The following RBFOX1 variants were observed in gnomAD, a reference collection of about 807,000 sequenced individuals.
RBFOX1 encodes RNA binding fox-1 homolog 1, also known as RNA binding protein fox-1 homolog 1.
A neutral mutation model predicts 57.7 loss-of-function variants in RBFOX1; 8 were observed. The ratio of observed to expected loss-of-function variants is 0.14; its 90% CI spans 0.08 to 0.25. The LOEUF is 0.25. RBFOX1 is among the 10% of genes least tolerant of loss of function. RBFOX1 has a pLI of 1.00. For synonymous variants in RBFOX1, 326 were observed against 222.4 expected, an observed-to-expected ratio of 1.47 and a Z score of -4.15; for missense variants, 611 against 548.5, an observed-to-expected ratio of 1.11 and a Z score of -1.14.
chr16:7,518,017 A>T, intron 4 of RBFOX1, 130 bp from the exon 5 acceptor site: 1 of 1,144,470 alleles, frequency 8.7e-7, no homozygotes, highest in Non-Finnish European at 1.2e-6. Context: ...GGTCCATCTC[A>T]GGCTGGTGGC....
intron 3 of RBFOX1, among the ~76,000 whole-genome samples, chr16:6,683,104 G>A (rs943398146): frequency 6.6e-6 from 1 of 152,048 alleles, no homozygotes; most frequent in Non-Finnish European, 1.5e-5. Flanking sequence ...TTTAACCACA[G>A]GGTTATTTAT....
chr16:5,358,001 A>C (rs1291082982), intron 1 of RBFOX1, among the ~76,000 whole-genome samples: 1 of 152,184 alleles, frequency 6.6e-6, no homozygotes, highest in Non-Finnish European at 1.5e-5. Context: ...AGTACCTCAG[A>C]CTGGGTGGCT....
chr16:6,334,714 C>A (rs1392233193), intron 2 of RBFOX1, among the ~76,000 whole-genome samples: 1 of 152,078 alleles, frequency 6.6e-6, no homozygotes. Context: ...CGCAGAGGAT[C>A]CCTGTAGTTC....
intron 1 of RBFOX1, among the ~76,000 whole-genome samples, chr16:6,065,982 T>C (rs141149386): frequency 2.1e-4 from 32 of 152,274 alleles, no homozygotes; most frequent in African/African-American, 6.7e-4. Flanking sequence ...TCTTGAGATA[T>C]ATTTCCGACT....
chr16:6,994,731 C>T (rs971768357), intron 3 of RBFOX1, among the ~76,000 whole-genome samples: 1 of 152,182 alleles, frequency 6.6e-6, no homozygotes, highest in Admixed American at 6.6e-5. Context: ...TCATATTCCA[C>T]AGCTTTTTCT....
chr16:6,068,377 G>A (rs1231785665), intron 1 of RBFOX1, among the ~76,000 whole-genome samples: 1 of 152,184 alleles, frequency 6.6e-6, no homozygotes, highest in African/African-American at 2.4e-5. Context: ...AGCTGAGAGA[G>A]CCAGTGCCTT....
At chr16:7,340,562 G>A (rs1392940986) in intron 4 of RBFOX1, among the ~76,000 whole-genome samples, 1 of 152,196 alleles carries the variant, frequency 6.6e-6, no homozygotes, top group African/African-American at 2.4e-5. Context: ...AGTCAAGACA[G>A]TCCAACCAGG....
At chr16:6,581,498 C>A (rs570151332) in intron 2 of RBFOX1, among the ~76,000 whole-genome samples, 3 of 152,160 alleles carry the variant, frequency 2.0e-5, no homozygotes, top group East Asian at 1.9e-4. Flanking sequence ...AGACCTCTAC[C>A]CTGGGCTCTG....
intron 4 of RBFOX1, among the ~76,000 whole-genome samples, chr16:5,885,652 G>C (rs186715474): frequency 6.6e-6 from 1 of 152,098 alleles, no homozygotes; most frequent in Non-Finnish European, 1.5e-5. Flanking sequence ...CAGAATTTCC[G>C]CTATGCTAAT....
At chr16:6,266,699 G>C (rs2192632) in intron 1 of RBFOX1, among the ~76,000 whole-genome samples, 107,769 of 150,482 alleles carry the variant, frequency 0.72, 42,632 homozygotes, top group Non-Finnish European at 0.87. Context: ...GGGTGACAGT[G>C]CAAGACTCTG....
chr16:7,046,009 A>G (rs928485704), intron 3 of RBFOX1, among the ~76,000 whole-genome samples: 3 of 152,164 alleles, frequency 2.0e-5, no homozygotes, highest in East Asian at 1.9e-4. Flanking sequence ...CTATTACTAT[A>G]CATTTTTAAA....
At chr16:7,612,734 T>C (rs1161647195) in intron 10 of RBFOX1, among the ~76,000 whole-genome samples, 1 of 152,112 alleles carries the variant, frequency 6.6e-6, no homozygotes, top group Non-Finnish European at 1.5e-5. Context: ...TCAAAATAAA[T>C]AACAGAAGGT....
At chr16:6,966,941 GCCTA>G (rs2084378990) in intron 3 of RBFOX1, among the ~76,000 whole-genome samples, 1 of 146,522 alleles carries the variant, frequency 6.8e-6, no homozygotes, top group African/African-American at 2.6e-5. Flanking sequence ...CCATCCATTG[GCCTA>G]CCTATTATCT....
chr16:7,086,469 T>C (rs1423256489), intron 4 of RBFOX1, among the ~76,000 whole-genome samples: 1 of 152,168 alleles, frequency 6.6e-6, no homozygotes, highest in Admixed American at 6.5e-5. Context: ...TTCCCCATCC[T>C]CTCATTCATG....
In RBFOX1 at chr16:6,232,407, G is replaced by A. The variant is rs371565407; in HGVS notation, c.-126-84588G>A. 7.9e-5 allele frequency among the ~76,000 whole-genome samples: 12 copies of A among 152,302 alleles called. 1 individual carries two copies. Among genetic ancestry groups the A allele is most frequent in the African/African-American group, 1.7e-4 (7 of 41,568 alleles). On this transcript the variant is annotated intron_variant, in intron 1 of 15. Coordinates refer to ENST00000550418, the MANE Select transcript of RBFOX1 (RefSeq NM_018723.4). ...ATGTGTTCTTTTGAATAATGGGACC[G>A]AATGAGAGTAGAATGTTTCAGCATT... is the stretch of plus-strand genomic sequence containing the variant.
chr16:6,677,179 C>T lies in RBFOX1; in HGVS notation c.-16+22529C>T, dbSNP rs78171949. ...ATTCCAAAATATTCAATGAAAGTAC[C>T]AAGTTCACATAATGAGTAAGTGGCA... On this transcript the variant is annotated intron_variant, in intron 3 of 15. Coordinates refer to ENST00000550418, the MANE Select transcript of RBFOX1 (RefSeq NM_018723.4). 9.2e-5 allele frequency among the ~76,000 whole-genome samples: 14 copies of T among 151,968 alleles called. No individual in the cohort carries two copies. In the East Asian group the frequency reaches 2.5e-3, roughly 27 times the overall value.
chr16:6,709,617 T>C (rs1473265728), intron 3 of RBFOX1, among the ~76,000 whole-genome samples: 1 of 152,200 alleles, frequency 6.6e-6, no homozygotes, highest in Non-Finnish European at 1.5e-5. Context: ...TCCCATAAGA[T>C]TGCTCCTGAT....
At chr16:7,685,313 A>G (rs971935701) in intron 14 of RBFOX1, among the ~76,000 whole-genome samples, 9 of 152,140 alleles carry the variant, frequency 5.9e-5, no homozygotes, top group Non-Finnish European at 1.3e-4. Context: ...TCCCTTCTTC[A>G]ATGAGAGAGT....
intron 4 of RBFOX1, among the ~76,000 whole-genome samples, chr16:7,410,252 C>G (rs1459689135): frequency 2.6e-5 from 4 of 152,204 alleles, no homozygotes; most frequent in Non-Finnish European, 5.9e-5. Context: ...TGTGTTGGCT[C>G]CTTAGACCAA....
Sources: gnomAD v4.1 joint callset for allele counts (sites outside exome capture counted in the v4.1 genomes callset) on GRCh38, gnomAD v4.1.1 for gene constraint, MANE v1.5 for transcripts, NCBI Gene and HGNC (gene_info 2026-07-23, HGNC 2026-07-21) for gene names.